LRP1B: variants seen among roughly 807,000 people sequenced by gnomAD.
LRP1B encodes low-density lipoprotein receptor-related protein 1B.
LRP1B carries 217 observed loss-of-function variants against 556.6 expected under a neutral mutation model. The observed-to-expected ratio is 0.39, with a 90% CI of 0.35 to 0.44. LRP1B has a LOEUF of 0.44. LRP1B is among the 20% of genes least tolerant of loss of function. LRP1B has a pLI of 1.00. For synonymous variants in LRP1B, 2,047 were observed against 1,865.8 expected (o/e 1.10, Z -2.50); for missense variants, 5,053 against 5,620.8 (o/e 0.90, Z 3.23).
intron 11 of LRP1B, among the ~76,000 whole-genome samples, chr2:141,022,929 C>A (rs1339761991): frequency 6.6e-6 from 1 of 151,678 alleles, no homozygotes; most frequent in Non-Finnish European, 1.5e-5. Context: ...AACATCTGGT[C>A]AAAATCTCCC....
intron 1 of LRP1B, among the ~76,000 whole-genome samples, chr2:141,878,760 C>T (rs958188996): frequency 3.3e-5 from 5 of 151,886 alleles, no homozygotes; most frequent in Non-Finnish European, 7.4e-5. Context: ...AATGAACAGT[C>T]CAATTACATT....
At chr2:141,385,809 C>T (rs1332249740) in intron 3 of LRP1B, among the ~76,000 whole-genome samples, 1 of 152,118 alleles carries the variant, frequency 6.6e-6, no homozygotes, top group Non-Finnish European at 1.5e-5. Flanking sequence ...GATTGAAAAC[C>T]TGTCATCGTT....
chr2:140,242,111 GC>G (rs1295163005), intron 87 of LRP1B, among the ~76,000 whole-genome samples: 1 of 151,036 alleles, frequency 6.6e-6, no homozygotes, highest in Non-Finnish European at 1.5e-5. Flanking sequence ...AGATAATGGA[GC>G]CAGGCTACCT....
chr2:141,027,360 G>A (rs1175487436), intron 11 of LRP1B, among the ~76,000 whole-genome samples: 1 of 152,134 alleles, frequency 6.6e-6, no homozygotes, highest in Non-Finnish European at 1.5e-5. Flanking sequence ...GATTAAAGGA[G>A]AGAATAAGAA....
chr2:140,450,321 T>C (rs913900360), intron 63 of LRP1B, among the ~76,000 whole-genome samples: 10 of 152,042 alleles, frequency 6.6e-5, no homozygotes, highest in Non-Finnish European at 1.3e-4. Flanking sequence ...AGTAATCAAA[T>C]TTGAGAAAGA....
chr2:141,129,660 T>A (rs886907962), intron 7 of LRP1B, among the ~76,000 whole-genome samples: 16 of 152,198 alleles, frequency 1.1e-4, no homozygotes, highest in African/African-American at 3.6e-4. Flanking sequence ...AAAATTACTA[T>A]ATTCATTGGT....
intron 7 of LRP1B, among the ~76,000 whole-genome samples, 155 bp downstream of exon 7, chr2:141,188,266 G>A (rs1297856770): frequency 6.6e-6 from 1 of 151,914 alleles, no homozygotes; most frequent in Non-Finnish European, 1.5e-5. Flanking sequence ...GTGAGTTATA[G>A]CCTTTTTTCC....
chr2:141,425,019 T>G (rs1037443593), intron 3 of LRP1B, among the ~76,000 whole-genome samples: 3 of 151,558 alleles, frequency 2.0e-5, no homozygotes, highest in Admixed American at 6.6e-5. Context: ...GCTGCACCCA[T>G]TAACTCGTCA....
chr2:141,730,085 T>G (rs777304653), intron 2 of LRP1B, among the ~76,000 whole-genome samples: 2 of 152,106 alleles, frequency 1.3e-5, no homozygotes, highest in Non-Finnish European at 2.9e-5. Context: ...TTGAAAAACA[T>G]GTGAAGATCA....
chr2:140,670,567 C>A (rs1241196780), intron 41 of LRP1B, among the ~76,000 whole-genome samples: 1 of 152,220 alleles, frequency 6.6e-6, no homozygotes, highest in Non-Finnish European at 1.5e-5. Flanking sequence ...AGGCTAGACC[C>A]TGCAGAGGAT....
intron 7 of LRP1B, among the ~76,000 whole-genome samples, chr2:141,174,513 T>C (rs1418650384): frequency 1.3e-5 from 2 of 152,096 alleles, no homozygotes; most frequent in Non-Finnish European, 2.9e-5. Flanking sequence ...TTTCCCCGTT[T>C]TTCTCTCTTG....
At chr2:141,093,837 C>A (rs1700231116) in intron 7 of LRP1B, among the ~76,000 whole-genome samples, 1 of 152,084 alleles carries the variant, frequency 6.6e-6, no homozygotes, top group Non-Finnish European at 1.5e-5. Flanking sequence ...GTCTCAGCCT[C>A]CCAAGTAGCT....
chr2:140,524,671 T>C (rs1690345824), intron 49 of LRP1B, among the ~76,000 whole-genome samples: 2 of 151,836 alleles, frequency 1.3e-5, no homozygotes, highest in Admixed American at 6.6e-5. Flanking sequence ...TCAAGAGCAT[T>C]ATCCTAAGTA....
At chr2:140,766,835 ATATATATAT>A (rs1454874544) in intron 35 of LRP1B, among the ~76,000 whole-genome samples, 845 of 25,258 alleles carry the variant, frequency 0.033, 28 homozygotes, top group Admixed American at 0.15. Context: ...ATATATATAT[ATATATATAT>A]TATATATATA....
At chr2:141,093,646 A>G (rs576802596) in intron 7 of LRP1B, among the ~76,000 whole-genome samples, 1 of 152,216 alleles carries the variant, frequency 6.6e-6, no homozygotes, top group Non-Finnish European at 1.5e-5. Context: ...TCTGAACAGA[A>G]TAGAATAAAG....
intron 1 of LRP1B, among the ~76,000 whole-genome samples, chr2:141,867,429 T>C (rs1337277850): frequency 3.9e-5 from 6 of 152,120 alleles, no homozygotes; most frequent in East Asian, 1.9e-4. Flanking sequence ...CATGAATATA[T>C]GTTTTCAAAT....
chr2:141,441,935 T>A (rs1265282339), intron 3 of LRP1B, among the ~76,000 whole-genome samples: 1 of 152,200 alleles, frequency 6.6e-6, no homozygotes, highest in Non-Finnish European at 1.5e-5. Flanking sequence ...CTATAAATTT[T>A]ATTCTGCATA....
At chr2:141,604,874 T>C (rs1559171261) in intron 2 of LRP1B, among the ~76,000 whole-genome samples, 1 of 151,996 alleles carries the variant, frequency 6.6e-6, no homozygotes, top group Non-Finnish European at 1.5e-5. Flanking sequence ...ATCCTTTTTC[T>C]ACTTGGATGC....
At chr2:141,126,550 T>G (rs761402165) in intron 7 of LRP1B, among the ~76,000 whole-genome samples, 13 of 152,026 alleles carry the variant, frequency 8.6e-5, no homozygotes, top group Non-Finnish European at 1.5e-4. Flanking sequence ...TTCATTGAAG[T>G]TTTTTTTCTT....
Sources: allele counts gnomAD v4.1 joint callset (sites outside exome capture counted in the v4.1 genomes callset), GRCh38; gene constraint gnomAD v4.1.1; transcripts MANE v1.5; gene names NCBI Gene and HGNC (gene_info 2026-07-23, HGNC 2026-07-21).